CFAP57: variants seen among roughly 807,000 people sequenced by gnomAD.
The protein encoded by CFAP57 is cilia and flagella associated protein 57, also known as cilia- and flagella-associated protein 57.
Under a neutral mutation model 146.8 loss-of-function variants are expected in CFAP57, and 116 were observed. The observed-to-expected ratio is 0.79, with a 90% CI of 0.68 to 0.92. The LOEUF (loss-of-function observed/expected upper bound fraction) is 0.92, where lower values mean the gene tolerates loss of function less well. CFAP57 is among the 40% of genes least tolerant of loss of function. The probability of loss-of-function intolerance (pLI) is 0.00; values close to 1 mark genes in which losing one functional copy is unlikely to be tolerated. For missense variants in CFAP57, 1,377 were observed against 1,527.2 expected (o/e 0.90, Z 1.64); for synonymous variants, 518 against 552.8 (o/e 0.94, Z 0.88).
At chr1:43,234,659 G>T in intron 21 of CFAP57, 21 bp downstream of exon 21, 1 of 1,535,218 alleles carries the variant, frequency 6.5e-7, no homozygotes, top group East Asian at 2.5e-5. Context: ...GCTCCCCTCA[G>T]CCCCTGTGGA....
chr1:43,191,880 G>T (rs1181829849), intron 6 of CFAP57, among the ~76,000 whole-genome samples: 1 of 150,282 alleles, frequency 6.7e-6, no homozygotes, highest in Non-Finnish European at 1.5e-5. Flanking sequence ...GTAGGTATTT[G>T]CAGCCAGAAA....
At chr1:43,177,492 G>A (rs754518479) in intron 2 of CFAP57, among the ~76,000 whole-genome samples, 2 of 152,118 alleles carry the variant, frequency 1.3e-5, no homozygotes, top group Admixed American at 1.3e-4. Flanking sequence ...TTCAGGTCTG[G>A]ATTTAAGGGA....
chr1:43,187,169 C>T (rs74068515), intron 6 of CFAP57, among the ~76,000 whole-genome samples: 2 of 152,034 alleles, frequency 1.3e-5, no homozygotes, highest in African/African-American at 2.4e-5. Context: ...TATATTTGCT[C>T]ATGTACACAA....
chr1:43,173,962 G>A (rs1021191209), intron 2 of CFAP57, among the ~76,000 whole-genome samples: 1 of 152,150 alleles, frequency 6.6e-6, no homozygotes, highest in Non-Finnish European at 1.5e-5. Flanking sequence ...TAACCCAATG[G>A]TTGAGAAAAG....
Position 43,183,580 on chromosome 1 carries a change from A to T in CFAP57, c.475-11A>T. The T allele has an allele frequency of 6.2e-7, 1 of 1,613,586 alleles. No individual in the cohort carries two copies. Among genetic ancestry groups the T allele is most frequent in the Non-Finnish European group, 8.5e-7 (1 of 1,179,562 alleles). On this transcript the variant is annotated splice_polypyrimidine_tract_variant and intron_variant, in intron 3 of 22. Transcript: ENST00000372492. Reference sequence around the variant, plus strand: ...ATAAATTTTTTTCTTCAATTCTCTCACATTTTACAGGTGAGCTTCAGTCCA... The same window carrying T: ...ATAAATTTTTTTCTTCAATTCTCTCTCATTTTACAGGTGAGCTTCAGTCCA...
At chr1:43,213,227 A>G (rs896132957) in intron 11 of CFAP57, among the ~76,000 whole-genome samples, 1 of 152,174 alleles carries the variant, frequency 6.6e-6, no homozygotes, top group African/African-American at 2.4e-5. Context: ...AGCTGGGATT[A>G]CAGGCACATG....
intron 13 of CFAP57, 174 bp downstream of exon 13, chr1:43,219,711 T>C: frequency 1.3e-6 from 1 of 778,760 alleles, no homozygotes; most frequent in Non-Finnish European, 2.0e-6. Context: ...GCACAGTGGC[T>C]CATGCCTGTA....
At chr1:43,237,046 AG>A (rs779772037) in intron 21 of CFAP57, among the ~76,000 whole-genome samples, 1 of 152,148 alleles carries the variant, frequency 6.6e-6, no homozygotes, top group Non-Finnish European at 1.5e-5. Context: ...TGCAGGTGGC[AG>A]GGGTGGAGGG....
In CFAP57 at chr1:43,172,393, A is replaced by T. The variant is rs553755913; in HGVS notation, c.-80A>T. ...TTTGAAAGTGTCCGGGTTGCTTAGG[A>T]TCCCTACAGGTAGCGCCTCTGGATA... On this transcript the variant is annotated 5_prime_UTR_variant, in exon 1 of 23. Transcript: ENST00000372492. The T allele has an allele frequency of 6.4e-5, 99 of 1,551,482 alleles. No individual in the cohort carries two copies. The highest frequency in any genetic ancestry group is 4.1e-4 in the Admixed American group (21 of 50,984).
At chr1:43,178,228 G>T (rs1645246905) in intron 2 of CFAP57, among the ~76,000 whole-genome samples, 2 of 152,152 alleles carry the variant, frequency 1.3e-5, no homozygotes, top group South Asian at 2.1e-4. Context: ...ATAGGCATGG[G>T]CAAGGACTTC....
intron 6 of CFAP57, among the ~76,000 whole-genome samples, chr1:43,187,625 C>G (rs530175797): frequency 9.2e-5 from 14 of 151,680 alleles, no homozygotes; most frequent in African/African-American, 3.4e-4. Context: ...AAGCGCATAC[C>G]CTTTAGCTAT....
rs540156029 is a variant in CFAP57 at position 43,184,026 on chromosome 1, T to C, written c.761+149T>C. ...CCTCTTCCTCTCTAGTTTTCGTCTATATTTAAGCACAGATTTAACAGTTAT... is the reference window on the plus strand; with the variant it reads ...CCTCTTCCTCTCTAGTTTTCGTCTACATTTAAGCACAGATTTAACAGTTAT... On this transcript the variant is annotated intron_variant, in intron 4 of 22. Coordinates refer to ENST00000372492, the MANE Select transcript of CFAP57 (RefSeq NM_001378189.1). 35 of 918,230 alleles carry C rather than the reference T, an allele frequency of 3.8e-5. 1 individual carries two copies. The Admixed American group carries it at 6.2e-4, about 16-fold the overall frequency. 56.9% of individuals were successfully genotyped at this position (918,230 alleles called of 1,614,324 possible). A position where few individuals can be genotyped will look rare whatever the true frequency, so the allele number is the denominator to read the frequency against.
intron 22 of CFAP57, among the ~76,000 whole-genome samples, chr1:43,249,930 T>C (rs1165833952): frequency 6.6e-6 from 1 of 152,168 alleles, no homozygotes; most frequent in Non-Finnish European, 1.5e-5. Context: ...TTTATAACCT[T>C]CTATGCCAAA....
At chr1:43,214,680 GT>G (rs1200158487) in intron 11 of CFAP57, among the ~76,000 whole-genome samples, 1 of 151,070 alleles carries the variant, frequency 6.6e-6, no homozygotes. Context: ...ATTCAGGTTT[GT>G]TTTTTTTTAA....
chr1:43,187,470 T>A (rs934426975), intron 6 of CFAP57, among the ~76,000 whole-genome samples: 4 of 152,110 alleles, frequency 2.6e-5, no homozygotes, highest in East Asian at 1.9e-4. Context: ...GTCCTTTTTT[T>A]AATAACAACT....
intron 5 of CFAP57, 32 bp downstream of exon 5, chr1:43,185,388 G>A (rs889647429): frequency 1.2e-5 from 19 of 1,599,042 alleles, no homozygotes; most frequent in Admixed American, 5.0e-5. Context: ...GAAGTAAAAT[G>A]GGGGTCCTAT....
chr1:43,198,453 A>G (rs1457402991), intron 7 of CFAP57, 28 bp from the exon 8 acceptor site: 1 of 1,612,360 alleles, frequency 6.2e-7, no homozygotes, highest in African/African-American at 1.3e-5. Flanking sequence ...AGCTAAGCTT[A>G]CAATTCAGTA....
chr1:43,186,907 G>C (rs1474193211), intron 6 of CFAP57, 48 bp downstream of exon 6: 1 of 1,611,006 alleles, frequency 6.2e-7, no homozygotes, highest in African/African-American at 1.3e-5. Flanking sequence ...CTATCTGCCT[G>C]CTGGGGGACT....
At chr1:43,195,264 C>T (rs532830653) in intron 6 of CFAP57, among the ~76,000 whole-genome samples, 1 of 152,146 alleles carries the variant, frequency 6.6e-6, no homozygotes, top group Non-Finnish European at 1.5e-5. Flanking sequence ...TGGCTCACAC[C>T]TATAATCCCA....
Sources: gnomAD v4.1 joint callset for allele counts (sites outside exome capture counted in the v4.1 genomes callset) on GRCh38, gnomAD v4.1.1 for gene constraint, MANE v1.5 for transcripts, NCBI Gene and HGNC (gene_info 2026-07-23, HGNC 2026-07-21) for gene names.